Variants in COL21A1 observed in about 807,000 individuals in gnomAD.
COL21A1 encodes the protein collagen type XXI alpha 1 chain.
A neutral mutation model predicts 137.9 loss-of-function variants in COL21A1; 149 were observed. The ratio of observed to expected loss-of-function variants is 1.08; its 90% CI spans 0.95 to 1.24. The LOEUF (loss-of-function observed/expected upper bound fraction) is 1.24, where lower values mean the gene tolerates loss of function less well. Ranked by LOEUF, COL21A1 falls within the 50% of genes most tolerant of loss-of-function variation. The probability of loss-of-function intolerance (pLI) is 0.00; values close to 1 mark genes in which losing one functional copy is unlikely to be tolerated. For synonymous variants in COL21A1, 456 were observed against 391.5 expected, an observed-to-expected ratio of 1.16 and a Z score of -1.95; for missense variants, 1,167 against 1,158.4, an observed-to-expected ratio of 1.01 and a Z score of -0.11.
chr6:56,321,648 C>G (rs560566729), intron 1 of COL21A1, among the ~76,000 whole-genome samples: 2 of 152,198 alleles, frequency 1.3e-5, no homozygotes, highest in East Asian at 3.9e-4. Flanking sequence ...CACATTCGGC[C>G]CAGAAACTGC....
intron 1 of COL21A1, among the ~76,000 whole-genome samples, chr6:56,318,799 GTA>G (rs1764801804): frequency 1.3e-5 from 2 of 152,002 alleles, no homozygotes; most frequent in South Asian, 4.1e-4. Flanking sequence ...TCTTAAAGAA[GTA>G]TATGTCTAGT....
At chr6:56,190,208 A>G (rs1387210246) in intron 1 of COL21A1, among the ~76,000 whole-genome samples, 1 of 152,204 alleles carries the variant, frequency 6.6e-6, no homozygotes, top group Non-Finnish European at 1.5e-5. Flanking sequence ...AGACTAATAA[A>G]GAAGAAAAGA....
chr6:56,317,603 C>G (rs1032947153), intron 1 of COL21A1, among the ~76,000 whole-genome samples: 3 of 152,158 alleles, frequency 2.0e-5, no homozygotes, highest in African/African-American at 7.2e-5. Context: ...CATCCTGGCT[C>G]AACCCCCAAT....
chr6:56,302,216 C>A (rs9382610), intron 1 of COL21A1, among the ~76,000 whole-genome samples: 1 of 151,058 alleles, frequency 6.6e-6, no homozygotes, highest in African/African-American at 2.4e-5. Flanking sequence ...TATAGCAGCA[C>A]GATTTATAAT....
chr6:56,135,357 G>A (rs976680936), intron 12 of COL21A1, among the ~76,000 whole-genome samples: 11 of 151,578 alleles, frequency 7.3e-5, no homozygotes, highest in African/African-American at 1.9e-4. Flanking sequence ...CCCCCAAATC[G>A]CATGTCAAGA....
chr6:56,285,771 C>A (rs1324872752), intron 1 of COL21A1, among the ~76,000 whole-genome samples: 2 of 151,712 alleles, frequency 1.3e-5, no homozygotes, highest in African/African-American at 4.8e-5. Context: ...CCTCCAGGAC[C>A]CTGCTAACCC....
At chr6:56,061,567 G>T in intron 25 of COL21A1, 82 bp downstream of exon 25, 2 of 801,552 alleles carry the variant, frequency 2.5e-6, no homozygotes, top group Non-Finnish European at 3.8e-6. Flanking sequence ...TTACTCAAAA[G>T]CTAGATTTAT....
At chr6:56,091,176 T>G (rs2114205081) in intron 17 of COL21A1, among the ~76,000 whole-genome samples, 1 of 152,328 alleles carries the variant, frequency 6.6e-6, no homozygotes, top group Admixed American at 6.5e-5. Context: ...TATGCATGTC[T>G]TCTGCATATA....
intron 1 of COL21A1, among the ~76,000 whole-genome samples, chr6:56,298,286 T>G (rs926914860): frequency 3.3e-5 from 5 of 152,034 alleles, no homozygotes; most frequent in Non-Finnish European, 7.4e-5. Flanking sequence ...TTTAGATATA[T>G]TTAACTATTA....
intron 16 of COL21A1, among the ~76,000 whole-genome samples, chr6:56,115,443 G>A (rs1471274114): frequency 6.6e-6 from 1 of 152,172 alleles, no homozygotes; most frequent in African/African-American, 2.4e-5. Flanking sequence ...CTACAAGTCT[G>A]CAAGAACCAC....
intron 1 of COL21A1, among the ~76,000 whole-genome samples, chr6:56,292,392 C>CG (rs1554179583): frequency 7.6e-5 from 3 of 39,324 alleles, no homozygotes; most frequent in African/African-American, 9.6e-5. Context: ...AAAACAGGGA[C>CG]CCCCCCCCTC....
intron 22 of COL21A1, 125 bp from the exon 23 acceptor site, chr6:56,067,455 A>G: frequency 4.6e-6 from 3 of 652,116 alleles, no homozygotes; most frequent in Non-Finnish European, 7.8e-6. Flanking sequence ...GCCTGTATAC[A>G]CAGAAGTTGA....
At chr6:56,303,096 T>A (rs1249799657) in intron 1 of COL21A1, among the ~76,000 whole-genome samples, 2 of 152,240 alleles carry the variant, frequency 1.3e-5, no homozygotes, top group Non-Finnish European at 2.9e-5. Flanking sequence ...TATATCTCTG[T>A]TTTGGTACCA....
intron 1 of COL21A1, among the ~76,000 whole-genome samples, chr6:56,282,042 T>G (rs2152334089): frequency 6.6e-6 from 1 of 152,324 alleles, no homozygotes; most frequent in Non-Finnish European, 1.5e-5. Flanking sequence ...ATGTGGTAAG[T>G]TTTCATTCGA....
intron 16 of COL21A1, among the ~76,000 whole-genome samples, chr6:56,109,497 C>G (rs1184108263): frequency 6.6e-6 from 1 of 151,324 alleles, no homozygotes; most frequent in East Asian, 1.9e-4. Context: ...TATTATTGAC[C>G]CTATGAGAGA....
intron 1 of COL21A1, among the ~76,000 whole-genome samples, chr6:56,236,879 C>T (rs1320222176): frequency 2.0e-5 from 3 of 151,842 alleles, no homozygotes; most frequent in Non-Finnish European, 4.4e-5. Context: ...CTCCTTGCTG[C>T]GAAAGTGATG....
chr6:56,215,521 C>A (rs1780427342), intron 1 of COL21A1, among the ~76,000 whole-genome samples: 1 of 151,986 alleles, frequency 6.6e-6, no homozygotes, highest in South Asian at 2.1e-4. Context: ...ATGGCATAGT[C>A]GAAACTACTG....
intron 1 of COL21A1, among the ~76,000 whole-genome samples, chr6:56,373,523 A>G (rs1458510319): frequency 6.6e-6 from 1 of 152,142 alleles, no homozygotes; most frequent in African/African-American, 2.4e-5. Context: ...AATCACTTGA[A>G]CCCAGGAGGC....
At chr6:56,239,340 C>T (rs1468488756) in intron 1 of COL21A1, among the ~76,000 whole-genome samples, 1 of 151,948 alleles carries the variant, frequency 6.6e-6, no homozygotes, top group East Asian at 1.9e-4. Flanking sequence ...CAAATGTTTC[C>T]ATATACAAAG....
Sources: allele counts gnomAD v4.1 joint callset (sites outside exome capture counted in the v4.1 genomes callset), GRCh38; gene constraint gnomAD v4.1.1; transcripts MANE v1.5; gene names NCBI Gene and HGNC (gene_info 2026-07-23, HGNC 2026-07-21).